DAAM1: variants seen among roughly 807,000 people sequenced by gnomAD.
DAAM1 encodes the protein dishevelled associated activator of morphogenesis 1.
Under a neutral mutation model 130.0 loss-of-function variants are expected in DAAM1, and 52 were observed. The ratio of observed to expected loss-of-function variants is 0.40; its 90% CI spans 0.32 to 0.50. The LOEUF (loss-of-function observed/expected upper bound fraction) is 0.50. Among genes scored for constraint, DAAM1 ranks in the 20% least tolerant of loss-of-function variants. The probability of loss-of-function intolerance (pLI) is 0.61; values close to 1 mark genes in which losing one functional copy is unlikely to be tolerated. For missense variants in DAAM1, 1,134 were observed against 1,303.8 expected, an observed-to-expected ratio of 0.87 and a Z score of 2.01; for synonymous variants, 452 against 444.5, an observed-to-expected ratio of 1.02 and a Z score of -0.21.
chr14:59,304,570 C>T (rs992595835), intron 3 of DAAM1, among the ~76,000 whole-genome samples: 1 of 152,140 alleles, frequency 6.6e-6, no homozygotes, highest in Non-Finnish European at 1.5e-5. Context: ...GTGTAGTATC[C>T]TTTTATCTGT....
chr14:59,193,287 C>T, intron 1 of DAAM1, among the ~76,000 whole-genome samples: 1 of 152,174 alleles, frequency 6.6e-6, no homozygotes. Flanking sequence ...GTGGCTGAGG[C>T]TGCTGATAGA....
Position 59,326,756 on chromosome 14 carries a change from C to T in DAAM1, c.1313+108C>T, listed in dbSNP as rs1885218997. 2.0e-6 allele frequency: 3 copies of T among 1,535,584 alleles called. No individual in the cohort carries two copies. The South Asian group carries it at 3.8e-5, about 19-fold the overall frequency. ...GGGAGAGCTGAAATGTTCTAGGGGT[C>T]AAATATGAGTTACTGTACACATGCA... On this transcript the variant is annotated intron_variant, in intron 11 of 24. Coordinates refer to ENST00000360909, the MANE Select transcript of DAAM1 (RefSeq NM_001270520.2).
intron 9 of DAAM1, 79 bp from the exon 10 acceptor site, chr14:59,325,881 G>C (rs376531464): frequency 3.9e-6 from 6 of 1,538,230 alleles, no homozygotes; most frequent in East Asian, 4.5e-5. Flanking sequence ...ATTAGCTTCT[G>C]TTTGCTTTGA....
At chr14:59,240,274 A>G (rs567879578) in intron 1 of DAAM1, among the ~76,000 whole-genome samples, 4 of 152,244 alleles carry the variant, frequency 2.6e-5, no homozygotes, top group Non-Finnish European at 4.4e-5. Context: ...TAAAACTATG[A>G]TATCTTCCTA....
At chr14:59,367,278 T>A in intron 23 of DAAM1, 151 bp from the exon 24 acceptor site, 2 of 1,335,014 alleles carry the variant, frequency 1.5e-6, no homozygotes, top group Non-Finnish European at 1.9e-6. Context: ...ATGGCGAAAC[T>A]CCATCTCCAA....
chr14:59,252,444 A>G (rs147792829), intron 1 of DAAM1, among the ~76,000 whole-genome samples: 24 of 152,326 alleles, frequency 1.6e-4, no homozygotes, highest in African/African-American at 5.5e-4. Context: ...GAATTCTTCA[A>G]AATATACAGG....
intron 1 of DAAM1, among the ~76,000 whole-genome samples, chr14:59,195,397 C>T (rs1322650133): frequency 6.6e-6 from 1 of 152,120 alleles, no homozygotes; most frequent in East Asian, 1.9e-4. Context: ...CCTGCCTCGG[C>T]CTCCCAAAGA....
chr14:59,367,615 A>T lies in DAAM1; in HGVS notation c.2997+16A>T. On this transcript the variant is annotated intron_variant, in intron 24 of 24. Coordinates refer to ENST00000360909, the MANE Select transcript of DAAM1 (RefSeq NM_001270520.2). ...GGAAGCTCAGGTGAGAGGATGATTA[A>T]TTGACCAATTCCACCTCCTAGAAGT... is the stretch of plus-strand genomic sequence containing the variant. 1.2e-6 allele frequency: 2 copies of T among 1,608,524 alleles called. No homozygotes were observed. Among genetic ancestry groups the T allele is most frequent in the Non-Finnish European group, 1.7e-6 (2 of 1,176,970 alleles).
intron 1 of DAAM1, among the ~76,000 whole-genome samples, chr14:59,261,438 T>C (rs543846358): frequency 1.3e-5 from 2 of 152,336 alleles, no homozygotes; most frequent in Non-Finnish European, 2.9e-5. Flanking sequence ...ATCCCAATTA[T>C]GACATATGTC....
At chr14:59,332,963 A>C (rs1239269181) in intron 15 of DAAM1, among the ~76,000 whole-genome samples, 1 of 152,062 alleles carries the variant, frequency 6.6e-6, no homozygotes, top group Non-Finnish European at 1.5e-5. Flanking sequence ...CAAGCAGCAG[A>C]CTTCCTAGTT....
chr14:59,203,448 T>C (rs563087610), intron 1 of DAAM1, among the ~76,000 whole-genome samples: 1 of 152,292 alleles, frequency 6.6e-6, no homozygotes, highest in Non-Finnish European at 1.5e-5. Flanking sequence ...TTAAAAAACA[T>C]TTAAAAGAAT....
At position 59,359,424 on chromosome 14, in the gene DAAM1, C is replaced by A. The variant is rs2139681007; in HGVS notation, c.2553C>A (p.Ile851=). ...DKNITLLHYL[I]TIVENKYPSV... is the part of the protein sequence containing the mutation. ...ACATTACCCTTTTGCACTATCTCAT[C>A]ACTATTGTGGAAAATAAGTACCCCA... Residue 851 remains isoleucine (I), a synonymous_variant, in exon 21 of 25, where the codon ATC becomes ATA. Transcript: ENST00000360909. 6.2e-7 allele frequency: 1 copy of A among 1,613,550 alleles called. No homozygotes were observed. Among genetic ancestry groups the A allele is most frequent in the African/African-American group, 1.3e-5 (1 of 75,040 alleles).
chr14:59,293,170 G>A (rs1447617612), intron 3 of DAAM1, among the ~76,000 whole-genome samples: 2 of 152,118 alleles, frequency 1.3e-5, no homozygotes, highest in Admixed American at 6.6e-5. Context: ...ATACAAAGGA[G>A]GGATTGAGAA....
At chr14:59,241,864 T>G (rs924178197) in intron 1 of DAAM1, among the ~76,000 whole-genome samples, 8 of 152,208 alleles carry the variant, frequency 5.3e-5, no homozygotes, top group African/African-American at 1.9e-4. Context: ...TCTTCTGGCT[T>G]TCTTAAATCA....
chr14:59,223,207 G>A (rs996138493), intron 1 of DAAM1, among the ~76,000 whole-genome samples: 2 of 152,220 alleles, frequency 1.3e-5, no homozygotes, highest in African/African-American at 4.8e-5. Context: ...GTGCCTTCAG[G>A]ATCTGCTTTC....
rs140616059 is a variant in DAAM1, at chr14:59,369,531, A to G, written c.*672A>G. The G allele has an allele frequency of 5.1e-4, 78 of 152,502 alleles. No individual in the cohort carries two copies. Among genetic ancestry groups the G allele is most frequent in the African/African-American group, 1.7e-3 (72 of 41,484 alleles). 9.4% of individuals were successfully genotyped at this position (152,502 alleles called of 1,614,324 possible). On this transcript the variant is annotated 3_prime_UTR_variant, in exon 25 of 25. Coordinates refer to ENST00000360909, the MANE Select transcript of DAAM1 (RefSeq NM_001270520.2). ...TTGTATATTTAAAAGTTGGACATCAATTTTTTCCCCTGATTTCATCAAGTT... is the reference window on the plus strand; with the variant it reads ...TTGTATATTTAAAAGTTGGACATCAGTTTTTTCCCCTGATTTCATCAAGTT...
chr14:59,210,213 A>C (rs1888387376), intron 1 of DAAM1, among the ~76,000 whole-genome samples: 1 of 152,260 alleles, frequency 6.6e-6, no homozygotes. Flanking sequence ...CGCTCTTGAC[A>C]GTGAAAGAGC....
chr14:59,314,557 G>T (rs770080016), intron 3 of DAAM1, among the ~76,000 whole-genome samples: 9 of 152,078 alleles, frequency 5.9e-5, no homozygotes, highest in Admixed American at 5.9e-4. Context: ...GGGCTTAGGG[G>T]CTGGCTCCAG....
intron 15 of DAAM1, 41 bp downstream of exon 15, chr14:59,331,961 A>C: frequency 1.3e-6 from 2 of 1,529,664 alleles, no homozygotes; most frequent in Non-Finnish European, 1.8e-6. Flanking sequence ...AGGTAGAAAA[A>C]TCATGTCTTA....
Sources: gnomAD v4.1 joint callset for allele counts (sites outside exome capture counted in the v4.1 genomes callset) on GRCh38, gnomAD v4.1.1 for gene constraint, MANE v1.5 for transcripts, NCBI Gene and HGNC (gene_info 2026-07-23, HGNC 2026-07-21) for gene names.